The following MPPED2 variants were observed in gnomAD, a reference collection of about 807,000 sequenced individuals.
MPPED2 encodes metallophosphoesterase MPPED2.
A neutral mutation model predicts 33.0 loss-of-function variants in MPPED2; 5 were observed. The observed-to-expected ratio is 0.15, with a 90% CI of 0.08 to 0.32. The LOEUF is 0.32. Among genes scored for constraint, MPPED2 ranks in the 10% least tolerant of loss-of-function variants. The pLI is 1.00. For synonymous variants in MPPED2, 136 were observed against 141.9 expected (o/e 0.96, Z 0.29); for missense variants, 275 against 372.1 (o/e 0.74, Z 2.15).
At chr11:30,508,917 A>G (rs1325100949) in intron 3 of MPPED2, among the ~76,000 whole-genome samples, 1 of 152,198 alleles carries the variant, frequency 6.6e-6, no homozygotes, top group Admixed American at 6.5e-5. Flanking sequence ...TTCGAACTAT[A>G]TTCTATTCAT....
At chr11:30,567,450 G>A (rs1451802897) in intron 2 of MPPED2, among the ~76,000 whole-genome samples, 2 of 152,090 alleles carry the variant, frequency 1.3e-5, no homozygotes, top group African/African-American at 4.8e-5. Flanking sequence ...AATCCAAAGT[G>A]TTAAATCCTT....
At chr11:30,541,706 C>T (rs565469707) in intron 2 of MPPED2, among the ~76,000 whole-genome samples, 37 of 152,142 alleles carry the variant, frequency 2.4e-4, no homozygotes, top group Non-Finnish European at 4.7e-4. Context: ...AATTCTCCTG[C>T]CTCAGCCTCT....
intron 3 of MPPED2, among the ~76,000 whole-genome samples, chr11:30,534,568 C>T (rs934671249): frequency 6.6e-6 from 1 of 152,094 alleles, no homozygotes; most frequent in Non-Finnish European, 1.5e-5. Flanking sequence ...ATAAATGCTC[C>T]AACATCCAAT....
At chr11:30,512,485 C>G (rs547347266) in intron 3 of MPPED2, among the ~76,000 whole-genome samples, 4 of 149,852 alleles carry the variant, frequency 2.7e-5, no homozygotes, top group Non-Finnish European at 4.4e-5. Flanking sequence ...AACAAACAAA[C>G]AAAAAAACTG....
chr11:30,430,889 G>A (rs1384165560), intron 4 of MPPED2, among the ~76,000 whole-genome samples: 3 of 152,184 alleles, frequency 2.0e-5, no homozygotes, highest in African/African-American at 7.2e-5. Flanking sequence ...ATCTGGGCAT[G>A]CTCTTCCATT....
At chr11:30,409,400 G>A (rs1298819848), downstream of MPPED2, among the ~76,000 whole-genome samples, 1 of 152,200 alleles carries the variant, frequency 6.6e-6, no homozygotes, top group Non-Finnish European at 1.5e-5. Flanking sequence ...GGAAGCCCAT[G>A]GGAAGCTCAA....
intron 4 of MPPED2, among the ~76,000 whole-genome samples, chr11:30,455,358 G>A (rs1327417073): frequency 6.6e-6 from 1 of 152,178 alleles, no homozygotes; most frequent in African/African-American, 2.4e-5. Flanking sequence ...CAGTGACCCT[G>A]TCAAAAGGCC....
intron 4 of MPPED2, among the ~76,000 whole-genome samples, chr11:30,485,713 T>G (rs549556714): frequency 1.3e-5 from 2 of 152,120 alleles, no homozygotes; most frequent in Non-Finnish European, 2.9e-5. Context: ...TTAGCAATAA[T>G]TTTTTTGGAG....
In MPPED2 at chr11:30,580,235, G is replaced by A; in HGVS notation, c.128+11C>T. On this transcript the variant is annotated intron_variant, in intron 2 of 6. Coordinates refer to ENST00000358117, the MANE Select transcript of MPPED2 (RefSeq NM_001584.3). ...ATTGCTAATTTTGTTAAGTTCATAA[G>A]CGATACTTACATATGTACATGTGGA... The A allele has an allele frequency of 6.2e-7, 1 of 1,608,586 alleles. No homozygotes were observed. The highest frequency in any genetic ancestry group is 1.1e-5 in the South Asian group (1 of 89,524).
At chr11:30,519,298 G>A (rs911502067) in intron 3 of MPPED2, among the ~76,000 whole-genome samples, 3 of 151,598 alleles carry the variant, frequency 2.0e-5, no homozygotes, top group Admixed American at 6.6e-5. Flanking sequence ...AAATATATAC[G>A]TACACACACA....
At chr11:30,559,273 T>A (rs928922163) in intron 2 of MPPED2, among the ~76,000 whole-genome samples, 7 of 152,336 alleles carry the variant, frequency 4.6e-5, no homozygotes, top group Non-Finnish European at 1.0e-4. Flanking sequence ...ACAATTATCT[T>A]CTTTGTAAAC....
At chr11:30,464,800 G>A (rs193042910) in intron 4 of MPPED2, among the ~76,000 whole-genome samples, 2 of 152,288 alleles carry the variant, frequency 1.3e-5, no homozygotes, top group East Asian at 3.9e-4. Flanking sequence ...TTGTGATAAT[G>A]TGGGGATTTA....
chr11:30,440,218 T>C (rs2133892102), intron 4 of MPPED2, among the ~76,000 whole-genome samples: 1 of 152,014 alleles, frequency 6.6e-6, no homozygotes, highest in South Asian at 2.1e-4. Flanking sequence ...TAATCCCAGC[T>C]ACTCAGGAGG....
intron 6 of MPPED2, 69 bp from the exon 7 acceptor site, chr11:30,411,655 G>T: frequency 1.4e-6 from 2 of 1,410,532 alleles, no homozygotes; most frequent in Admixed American, 2.1e-5. Flanking sequence ...AGGGCTGTCA[G>T]GCAAGGAAAA....
rs566259862 is a variant in MPPED2, at chr11:30,420,175, G to A, written c.537-2542C>T. Reference sequence around the variant, plus strand: ...AAGATTATCCTGGATTATCTAGGTCGGCCCAGTGTAACCCCAAGGGTCCCT... The same window carrying A: ...AAGATTATCCTGGATTATCTAGGTCAGCCCAGTGTAACCCCAAGGGTCCCT... On this transcript the variant is annotated intron_variant, in intron 4 of 6. Coordinates refer to ENST00000358117, the MANE Select transcript of MPPED2 (RefSeq NM_001584.3). Among the ~76,000 whole-genome samples the A allele has an allele frequency of 5.9e-5, 9 of 152,242 alleles. No individual in the cohort carries two copies. In the East Asian group the frequency reaches 1.2e-3, roughly 20 times the overall value.
chr11:30,465,552 T>C (rs1950672709), intron 4 of MPPED2, among the ~76,000 whole-genome samples: 1 of 152,220 alleles, frequency 6.6e-6, no homozygotes, highest in African/African-American at 2.4e-5. Context: ...TGGGTGGGCC[T>C]CCCAAAGTGC....
intron 2 of MPPED2, among the ~76,000 whole-genome samples, chr11:30,564,665 T>C (rs1456804784): frequency 1.3e-5 from 2 of 152,184 alleles, no homozygotes; most frequent in Admixed American, 1.3e-4. Flanking sequence ...AGCTCAGAAA[T>C]ATATTTTCAG....
intron 6 of MPPED2, among the ~76,000 whole-genome samples, chr11:30,412,475 CAT>C (rs1948151762): frequency 6.6e-6 from 1 of 151,992 alleles, no homozygotes; most frequent in Admixed American, 6.6e-5. Flanking sequence ...CATATAAAAA[CAT>C]AGCTGTGAAA....
At chr11:30,552,831 G>T (rs1027763896) in intron 2 of MPPED2, among the ~76,000 whole-genome samples, 1 of 152,088 alleles carries the variant, frequency 6.6e-6, no homozygotes, top group Non-Finnish European at 1.5e-5. Flanking sequence ...GCCTGCCTGT[G>T]GTCATAAACC....
Sources: gnomAD v4.1 joint callset for allele counts (sites outside exome capture counted in the v4.1 genomes callset) on GRCh38, gnomAD v4.1.1 for gene constraint, MANE v1.5 for transcripts, NCBI Gene and HGNC (gene_info 2026-07-23, HGNC 2026-07-21) for gene names.